LDAH: variants seen among roughly 807,000 people sequenced by gnomAD.
LDAH encodes lipid droplet-associated hydrolase.
In LDAH, 26 loss-of-function variants were observed where a neutral mutation model predicts 29.6. The observed-to-expected ratio is 0.88, with a 90% CI of 0.64 to 1.22. The LOEUF is 1.22. Among genes scored for constraint, LDAH ranks in the 50% most tolerant of loss-of-function variants. LDAH has a pLI of 0.00. For synonymous variants in LDAH, 117 were observed against 133.0 expected, an observed-to-expected ratio of 0.88 and a Z score of 0.83; for missense variants, 344 against 387.3, an observed-to-expected ratio of 0.89 and a Z score of 0.94.
intron 2 of LDAH, among the ~76,000 whole-genome samples, chr2:20,798,372 G>T (rs889894553): frequency 1.3e-5 from 2 of 152,084 alleles, no homozygotes; most frequent in African/African-American, 2.4e-5. Context: ...TCTGAAAACT[G>T]ACTGATGACT....
chr2:20,701,731 A>G lies in LDAH; in HGVS notation c.704-79T>C, dbSNP rs187163829. 90 of 1,308,806 alleles carry G rather than the reference A, an allele frequency of 6.9e-5. No homozygotes were observed. The African/African-American group carries it at 1.2e-3, about 17-fold the overall frequency. The allele number at this position is 1,308,806 out of a possible 1,614,324, so 81.1% of individuals were successfully genotyped here. A position where few individuals can be genotyped will look rare whatever the true frequency, so the allele number is the denominator to read the frequency against. ...ATTTCAAATTAATTTTAGTAAATTC[A>G]TGTTCCTCCTTTCTTTTGGCACGTG... On this transcript the variant is annotated intron_variant, in intron 5 of 6. Coordinates refer to ENST00000237822, the MANE Select transcript of LDAH (RefSeq NM_021925.4).
At chr2:20,741,280 T>G (rs574014335) in intron 4 of LDAH, among the ~76,000 whole-genome samples, 1 of 152,220 alleles carries the variant, frequency 6.6e-6, no homozygotes, top group African/African-American at 2.4e-5. Context: ...GAAGTTCAGC[T>G]TATCTGTTAT....
At chr2:20,795,386 C>G (rs142768793) in intron 2 of LDAH, among the ~76,000 whole-genome samples, 65 of 152,292 alleles carry the variant, frequency 4.3e-4, no homozygotes, top group Non-Finnish European at 8.7e-4. Flanking sequence ...TGGACTCATT[C>G]ATGGAGCCTT....
intron 5 of LDAH, among the ~76,000 whole-genome samples, chr2:20,713,764 A>T (rs1664953059): frequency 6.6e-6 from 1 of 152,168 alleles, no homozygotes. Context: ...ACTTTAAACC[A>T]ACAAAGATCA....
chr2:20,784,357 C>T (rs546496557), intron 3 of LDAH, among the ~76,000 whole-genome samples: 59 of 152,024 alleles, frequency 3.9e-4, no homozygotes, highest in African/African-American at 1.3e-3. Flanking sequence ...CAGTTAGTCT[C>T]GTTGGCACCA....
chr2:20,739,900 C>T, intron 5 of LDAH, 71 bp downstream of exon 5: 1 of 1,151,584 alleles, frequency 8.7e-7, no homozygotes, highest in Non-Finnish European at 1.2e-6. Context: ...TATTTGTCCA[C>T]TGTCAGAGAG....
chr2:20,688,252 C>T (rs1662711149), intron 6 of LDAH, among the ~76,000 whole-genome samples: 1 of 152,138 alleles, frequency 6.6e-6, no homozygotes, highest in South Asian at 2.1e-4. Flanking sequence ...GTTGAGTCTT[C>T]AAGCTGGGGC....
intron 1 of LDAH, among the ~76,000 whole-genome samples, chr2:20,814,298 G>C (rs1672705141): frequency 6.6e-6 from 1 of 151,420 alleles, no homozygotes; most frequent in South Asian, 2.1e-4. Context: ...ATAAACCTCA[G>C]CAGTCAATAT....
intron 4 of LDAH, among the ~76,000 whole-genome samples, chr2:20,751,101 C>T (rs993081527): frequency 6.6e-6 from 1 of 152,184 alleles, no homozygotes; most frequent in Non-Finnish European, 1.5e-5. Context: ...ATGCAATATT[C>T]CCGTTTGACA....
rs1379747954 is a variant in LDAH, at chr2:20,755,032, T to G, written c.469-14827A>C. Reference sequence around the variant, plus strand: ...TGGTTGATTAAGAGAATATTCTTATTCTTAAGAACATCTTAAGGAGGTCTT... The same window carrying G: ...TGGTTGATTAAGAGAATATTCTTATGCTTAAGAACATCTTAAGGAGGTCTT... On this transcript the variant is annotated intron_variant, in intron 4 of 6. Coordinates refer to ENST00000237822, the MANE Select transcript of LDAH (RefSeq NM_021925.4). Among the ~76,000 whole-genome samples the G allele has an allele frequency of 2.6e-5, 4 of 152,268 alleles. No homozygotes were observed. The East Asian group carries it at 5.8e-4, about 22-fold the overall frequency.
intron 4 of LDAH, among the ~76,000 whole-genome samples, chr2:20,760,174 G>GAT (rs1668585166): frequency 1.3e-5 from 2 of 152,140 alleles, no homozygotes; most frequent in Admixed American, 1.3e-4. Flanking sequence ...CTAGGTAATT[G>GAT]AGTGGAGTAG....
chr2:20,738,604 A>G lies in LDAH; in HGVS notation c.703+1367T>C, dbSNP rs376959092. ...ATATGGTGGAGAGATGAGGAGTTGG[A>G]CCAAATGGTCTTTAAGGGATATTTC... On this transcript the variant is annotated intron_variant, in intron 5 of 6. Transcript: ENST00000237822. Among the ~76,000 whole-genome samples the G allele has an allele frequency of 3.0e-4, 46 of 152,226 alleles. No homozygotes were observed. The East Asian group carries it at 7.3e-3, about 24-fold the overall frequency.
rs114698217 is a variant in LDAH, at chr2:20,719,848, A to G, written c.704-18196T>C. 3.4e-3 allele frequency among the ~76,000 whole-genome samples: 521 copies of G among 152,276 alleles called. 6 individuals carry two copies. The highest frequency in any genetic ancestry group is 0.012 in the African/African-American group (488 of 41,578). ...TCAATAAACATGATACATCACATCAATAGAATCAAGAACAGAAACCATATG... is the reference window on the plus strand; with the variant it reads ...TCAATAAACATGATACATCACATCAGTAGAATCAAGAACAGAAACCATATG... On this transcript the variant is annotated intron_variant, in intron 5 of 6. Coordinates refer to ENST00000237822, the MANE Select transcript of LDAH (RefSeq NM_021925.4).
chr2:20,716,414 A>T (rs985943909), intron 5 of LDAH, among the ~76,000 whole-genome samples: 5 of 151,976 alleles, frequency 3.3e-5, no homozygotes, highest in Admixed American at 2.0e-4. Flanking sequence ...AGGATGAGTT[A>T]ATGTCCTTTG....
chr2:20,727,694 C>G (rs1432834664), intron 5 of LDAH, among the ~76,000 whole-genome samples: 1 of 152,072 alleles, frequency 6.6e-6, no homozygotes, highest in African/African-American at 2.4e-5. Context: ...ATCAGAAAAT[C>G]AACTTAGCTG....
intron 1 of LDAH, among the ~76,000 whole-genome samples, chr2:20,801,773 T>C (rs1671686569): frequency 6.6e-6 from 1 of 152,140 alleles, no homozygotes; most frequent in African/African-American, 2.4e-5. Flanking sequence ...TTTAGCTCTG[T>C]GCATTACCAT....
At chr2:20,795,932 C>T (rs1671271873) in intron 2 of LDAH, among the ~76,000 whole-genome samples, 1 of 140,690 alleles carries the variant, frequency 7.1e-6, no homozygotes, top group African/African-American at 2.6e-5. Context: ...TAGATTAGCT[C>T]CCCCGAAACC....
intron 5 of LDAH, among the ~76,000 whole-genome samples, 180 bp from the exon 6 acceptor site, chr2:20,701,832 A>G (rs1416801486): frequency 6.6e-6 from 1 of 152,246 alleles, no homozygotes; most frequent in Non-Finnish European, 1.5e-5. Context: ...TCTGGAAACA[A>G]GAGCATTTCA....
intron 1 of LDAH, among the ~76,000 whole-genome samples, chr2:20,818,644 T>G (rs1186335602): frequency 6.6e-6 from 1 of 152,102 alleles, no homozygotes; most frequent in Non-Finnish European, 1.5e-5. Flanking sequence ...AGCAGGCAAT[T>G]AATAGAACAA....
Sources: allele counts gnomAD v4.1 joint callset (sites outside exome capture counted in the v4.1 genomes callset), GRCh38; gene constraint gnomAD v4.1.1; transcripts MANE v1.5; gene names NCBI Gene and HGNC (gene_info 2026-07-23, HGNC 2026-07-21).